Variants in SLC25A21 observed in about 807,000 individuals in gnomAD.
SLC25A21 encodes the protein solute carrier family 25 member 21, also known as mitochondrial 2-oxodicarboxylate carrier.
In SLC25A21, 47 loss-of-function variants were observed where a neutral mutation model predicts 43.8. The ratio of observed to expected loss-of-function variants is 1.07; its 90% CI spans 0.85 to 1.37. SLC25A21 has a LOEUF of 1.37. Among genes scored for constraint, SLC25A21 ranks in the 40% most tolerant of loss-of-function variants. SLC25A21 has a pLI of 0.00. For missense variants in SLC25A21, 352 were observed against 350.2 expected (o/e 1.00, Z -0.04); for synonymous variants, 131 against 121.3 (o/e 1.08, Z -0.52).
At chr14:36,699,832 C>T (rs901680491) in intron 7 of SLC25A21, among the ~76,000 whole-genome samples, 5 of 152,140 alleles carry the variant, frequency 3.3e-5, no homozygotes, top group Non-Finnish European at 7.4e-5. Context: ...GGGAGTGCCC[C>T]GTTTTTCCAG....
chr14:37,129,414 A>C (rs1208898128), intron 1 of SLC25A21, among the ~76,000 whole-genome samples: 1 of 152,174 alleles, frequency 6.6e-6, no homozygotes, highest in Non-Finnish European at 1.5e-5. Context: ...TTGTGGTGAG[A>C]AAATGGAAAA....
chr14:36,803,813 G>A (rs1273877149), intron 3 of SLC25A21, among the ~76,000 whole-genome samples: 1 of 152,168 alleles, frequency 6.6e-6, no homozygotes, highest in African/African-American at 2.4e-5. Flanking sequence ...TCCAAGGAAC[G>A]TTGGTTAAAT....
At chr14:36,898,590 T>C (rs995779982) in intron 1 of SLC25A21, among the ~76,000 whole-genome samples, 1 of 152,066 alleles carries the variant, frequency 6.6e-6, no homozygotes, top group Non-Finnish European at 1.5e-5. Context: ...GGTACCTCAG[T>C]TGGAAATGCA....
intron 1 of SLC25A21, among the ~76,000 whole-genome samples, chr14:37,071,023 CA>C (rs1962159608): frequency 2.1e-5 from 3 of 146,146 alleles, no homozygotes; most frequent in African/African-American, 8.1e-5. Context: ...CTTTGCAAGA[CA>C]AACTAAAGTA....
At chr14:36,896,149 CT>C in intron 1 of SLC25A21, among the ~76,000 whole-genome samples, 1 of 152,222 alleles carries the variant, frequency 6.6e-6, no homozygotes, top group Non-Finnish European at 1.5e-5. Flanking sequence ...GTGTTAAAGT[CT>C]TCCATTATTA....
At chr14:37,060,153 T>C (rs1302881737) in intron 1 of SLC25A21, among the ~76,000 whole-genome samples, 1 of 151,480 alleles carries the variant, frequency 6.6e-6, no homozygotes, top group Non-Finnish European at 1.5e-5. Context: ...ATTTAGGTAA[T>C]GCAGGGTCCT....
intron 6 of SLC25A21, among the ~76,000 whole-genome samples, chr14:36,711,854 T>C (rs1282506996): frequency 1.3e-5 from 2 of 152,254 alleles, no homozygotes; most frequent in Non-Finnish European, 2.9e-5. Context: ...AACTATACAT[T>C]ATCCAAAAGG....
At chr14:36,978,467 C>T (rs1219671664) in intron 1 of SLC25A21, among the ~76,000 whole-genome samples, 1 of 152,100 alleles carries the variant, frequency 6.6e-6, no homozygotes, top group Non-Finnish European at 1.5e-5. Flanking sequence ...AGGAAAATGG[C>T]ACTGATAGAC....
At chr14:37,169,082 G>C (rs1964078097) in intron 1 of SLC25A21, among the ~76,000 whole-genome samples, 1 of 152,080 alleles carries the variant, frequency 6.6e-6, no homozygotes, top group Non-Finnish European at 1.5e-5. Flanking sequence ...AAAACTACGT[G>C]GCTGTGGTTT....
chr14:37,031,234 T>G (rs1832535870), intron 1 of SLC25A21, among the ~76,000 whole-genome samples: 1 of 152,208 alleles, frequency 6.6e-6, no homozygotes, highest in Non-Finnish European at 1.5e-5. Context: ...TTCAACAGTG[T>G]TCAAACAATC....
chr14:37,172,268 G>A lies in SLC25A21; in HGVS notation c.70+13C>T, dbSNP rs904979096. The A allele has an allele frequency of 5.0e-6, 8 of 1,585,046 alleles. No individual in the cohort carries two copies. Among genetic ancestry groups the A allele is most frequent in the Non-Finnish European group, 6.0e-6 (7 of 1,165,546 alleles). On this transcript the variant is annotated intron_variant, in intron 1 of 9. Coordinates refer to ENST00000331299, the MANE Select transcript of SLC25A21 (RefSeq NM_030631.4). ...CGACTAGCCTCCGGCGGGGCAGGGC[G>A]GGCTGTCCTTACCTGCAGAACCACC...
chr14:36,764,598 C>G (rs541277824), intron 3 of SLC25A21, among the ~76,000 whole-genome samples: 1 of 145,188 alleles, frequency 6.9e-6, no homozygotes, highest in Non-Finnish European at 1.5e-5. Flanking sequence ...AAAAACCATG[C>G]ATGCACACAC....
chr14:37,131,688 A>G (rs894585214), intron 1 of SLC25A21, among the ~76,000 whole-genome samples: 4 of 152,192 alleles, frequency 2.6e-5, no homozygotes, highest in Admixed American at 1.3e-4. Context: ...TTTGTTTTTT[A>G]TCTTGAGACA....
intron 1 of SLC25A21, among the ~76,000 whole-genome samples, chr14:37,053,552 CAAA>C (rs563985621): frequency 1.3e-3 from 196 of 152,204 alleles, no homozygotes; most frequent in African/African-American, 4.5e-3. Flanking sequence ...AAAACATATA[CAAA>C]AATAATTTTC....
intron 1 of SLC25A21, among the ~76,000 whole-genome samples, chr14:36,934,396 C>A (rs868784443): frequency 7.3e-5 from 11 of 151,496 alleles, no homozygotes; most frequent in Middle Eastern, 3.4e-3. Context: ...CTAAGCAACA[C>A]ACTCCAAGGC....
intron 1 of SLC25A21, among the ~76,000 whole-genome samples, chr14:37,087,800 G>T (rs563174803): frequency 8.5e-4 from 130 of 152,260 alleles, no homozygotes; most frequent in African/African-American, 3.0e-3. Flanking sequence ...TTGTGAAAGT[G>T]CATCCTTTCC....
chr14:37,154,639 A>G (rs548690036), intron 1 of SLC25A21, among the ~76,000 whole-genome samples: 1 of 131,280 alleles, frequency 7.6e-6, no homozygotes, highest in South Asian at 2.3e-4. Context: ...TTACTAAAAG[A>G]TAGATTTTTT....
Position 36,958,239 on chromosome 14 carries a change from G to A in SLC25A21, c.71-83235C>T, listed in dbSNP as rs549504905. On this transcript the variant is annotated intron_variant, in intron 1 of 9. Coordinates refer to ENST00000331299, the MANE Select transcript of SLC25A21 (RefSeq NM_030631.4). ...CCTATGAACCAAAGAGCACAAATAGGTAATCATACTCAACACCCTGGGCCC... is the reference window on the plus strand; with the variant it reads ...CCTATGAACCAAAGAGCACAAATAGATAATCATACTCAACACCCTGGGCCC... Among the ~76,000 whole-genome samples, 3 of 152,092 alleles carry A rather than the reference G, an allele frequency of 2.0e-5. No homozygotes were observed. In the East Asian group the frequency reaches 5.8e-4, roughly 29 times the overall value.
rs576374292 is a variant in SLC25A21 at position 37,125,453 on chromosome 14, T to C, written c.70+46828A>G. Among the ~76,000 whole-genome samples the C allele has an allele frequency of 1.5e-3, 226 of 152,326 alleles. 2 individuals carry two copies. Among genetic ancestry groups the C allele is most frequent in the African/African-American group, 5.3e-3 (221 of 41,578 alleles). ...CCACTGTAAAACAAGGCAGGTGGAA[T>C]AGATGATCTCCAAGTCCCTTCTAAT... On this transcript the variant is annotated intron_variant, in intron 1 of 9. Coordinates refer to ENST00000331299, the MANE Select transcript of SLC25A21 (RefSeq NM_030631.4).
Sources: allele counts gnomAD v4.1 joint callset (sites outside exome capture counted in the v4.1 genomes callset), GRCh38; gene constraint gnomAD v4.1.1; transcripts MANE v1.5; gene names NCBI Gene and HGNC (gene_info 2026-07-23, HGNC 2026-07-21).